Variants in DLGAP2 observed in about 807,000 individuals in gnomAD.
DLGAP2 encodes DLG associated protein 2, also known as disks large-associated protein 2.
In DLGAP2, 26 loss-of-function variants were observed where a neutral mutation model predicts 100.3. The ratio of observed to expected loss-of-function variants is 0.26; its 90% CI spans 0.19 to 0.36. DLGAP2 has a LOEUF of 0.36. Ranked by LOEUF, DLGAP2 falls within the 10% of genes least tolerant of loss-of-function variation. DLGAP2 has a pLI of 1.00. For synonymous variants in DLGAP2, 886 were observed against 630.1 expected, an observed-to-expected ratio of 1.41 and a Z score of -6.08; for missense variants, 1,858 against 1,453.2, an observed-to-expected ratio of 1.28 and a Z score of -4.53.
At chr8:1,302,201 A>ACGGGACTCGGC (rs1800363155) in intron 3 of DLGAP2, 1 of 101,232 alleles carries the variant, frequency 9.9e-6, no homozygotes, top group Admixed American at 1.0e-4. Context: ...CCGGACTCGG[A>ACGGGACTCGGC]ATTTTCTGTG....
In DLGAP2 at chr8:1,480,482, C is replaced by T. The variant is rs75089284; in HGVS notation, c.107-20884C>T. Among the ~76,000 whole-genome samples the T allele has an allele frequency of 1.4e-3, 220 of 152,300 alleles. No individual in the cohort carries two copies. The East Asian group carries it at 0.027, about 19-fold the overall frequency. ...GAAATACAGCATTGAAGCAAACGCA[C>T]GGCTGGCTGAGCCCTGACCTGGCCT... On this transcript the variant is annotated intron_variant, in intron 3 of 14. Transcript: ENST00000637795.
Position 1,528,564 on chromosome 8 carries a change from C to A in DLGAP2, c.173-20062C>A, listed in dbSNP as rs562606949. ...CACCCGGGGGCTGGCCTGCGATACC[C>A]CAGGTGATTCTCATGCTGAGAATAA... On this transcript the variant is annotated intron_variant, in intron 4 of 14. Coordinates refer to ENST00000637795, the MANE Select transcript of DLGAP2 (RefSeq NM_001346810.2). 3.9e-5 allele frequency among the ~76,000 whole-genome samples: 6 copies of A among 152,338 alleles called. No homozygotes were observed. The South Asian group carries it at 6.2e-4, about 16-fold the overall frequency.
At chr8:1,187,875 G>C (rs1208743356) in intron 2 of DLGAP2, among the ~76,000 whole-genome samples, 23 of 98,416 alleles carry the variant, frequency 2.3e-4, no homozygotes, top group African/African-American at 4.3e-4. Flanking sequence ...CGTGACGTTT[G>C]CCTCACGGAA....
At chr8:1,190,231 CAGAG>C (rs149761527) in intron 2 of DLGAP2, among the ~76,000 whole-genome samples, 323 of 152,320 alleles carry the variant, frequency 2.1e-3, no homozygotes, top group African/African-American at 7.2e-3. Flanking sequence ...GGTGGTCTCA[CAGAG>C]AGTCCTCCAA....
intron 3 of DLGAP2, among the ~76,000 whole-genome samples, chr8:1,366,771 G>A (rs556988371): frequency 6.6e-6 from 1 of 152,178 alleles, no homozygotes; most frequent in East Asian, 1.9e-4. Flanking sequence ...CTTCTGTCTC[G>A]GGTCCCCGCA....
intron 3 of DLGAP2, among the ~76,000 whole-genome samples, chr8:1,262,111 A>G (rs932940763): frequency 6.6e-6 from 1 of 152,218 alleles, no homozygotes; most frequent in Non-Finnish European, 1.5e-5. Context: ...CTTTGGATAC[A>G]GATGGAATAA....
chr8:760,823 A>C, intron 1 of DLGAP2, among the ~76,000 whole-genome samples: 1 of 151,674 alleles, frequency 6.6e-6, no homozygotes, highest in Non-Finnish European at 1.5e-5. Flanking sequence ...CACCCCTCCC[A>C]CTTGCTCTCC....
intron 2 of DLGAP2, among the ~76,000 whole-genome samples, chr8:983,660 T>C (rs1261878658): frequency 1.3e-5 from 2 of 152,196 alleles, no homozygotes; most frequent in African/African-American, 4.8e-5. Flanking sequence ...AAGAAGTTTT[T>C]GGGATAGGAC....
intron 2 of DLGAP2, among the ~76,000 whole-genome samples, chr8:1,064,695 C>T (rs920734020): frequency 1.3e-5 from 2 of 152,202 alleles, no homozygotes; most frequent in African/African-American, 4.8e-5. Context: ...AATGTGACCT[C>T]TCCACGTAGT....
intron 14 of DLGAP2, 85 bp from the exon 15 acceptor site, chr8:1,701,103 G>C: frequency 2.3e-6 from 3 of 1,307,502 alleles, no homozygotes; most frequent in East Asian, 2.5e-5. Context: ...GGAAGGGTCA[G>C]GCCAGGCCCC....
At chr8:788,510 T>C (rs979216422) in intron 1 of DLGAP2, among the ~76,000 whole-genome samples, 10 of 152,240 alleles carry the variant, frequency 6.6e-5, no homozygotes, top group African/African-American at 2.4e-4. Flanking sequence ...CCAGGTAGTG[T>C]CCAGGGAGCT....
chr8:920,717 A>G (rs888675708), intron 2 of DLGAP2, among the ~76,000 whole-genome samples: 11 of 152,134 alleles, frequency 7.2e-5, no homozygotes, highest in Non-Finnish European at 1.0e-4. Context: ...TGCTTGGGCA[A>G]TCTGCCCAGC....
chr8:1,267,331 C>A (rs925396323), intron 3 of DLGAP2, among the ~76,000 whole-genome samples: 1 of 151,202 alleles, frequency 6.6e-6, no homozygotes, highest in Non-Finnish European at 1.5e-5. Flanking sequence ...CTTTGGGAGG[C>A]CGAGGCGGTG....
chr8:903,913 G>A (rs1411745331), intron 1 of DLGAP2, among the ~76,000 whole-genome samples: 3 of 152,228 alleles, frequency 2.0e-5, no homozygotes, highest in East Asian at 3.9e-4. Flanking sequence ...CATTCGTCAG[G>A]GACCCTCTGT....
At chr8:1,272,110 C>G (rs1799595747) in intron 3 of DLGAP2, among the ~76,000 whole-genome samples, 1 of 152,146 alleles carries the variant, frequency 6.6e-6, no homozygotes. Context: ...GCAACCATGC[C>G]TAGCCTAGAA....
chr8:951,250 G>C (rs949423290), intron 2 of DLGAP2, among the ~76,000 whole-genome samples: 1 of 152,060 alleles, frequency 6.6e-6, no homozygotes, highest in Non-Finnish European at 1.5e-5. Context: ...CAGTGACTCT[G>C]TGTCTTTTCA....
At chr8:1,409,249 C>A (rs1404085983) in intron 3 of DLGAP2, among the ~76,000 whole-genome samples, 2 of 151,648 alleles carry the variant, frequency 1.3e-5, no homozygotes, top group East Asian at 1.9e-4. Flanking sequence ...CCTTGGCAGC[C>A]CTGGCCCTGA....
chr8:1,108,826 G>A (rs1804862606), intron 2 of DLGAP2, among the ~76,000 whole-genome samples: 1 of 136,354 alleles, frequency 7.3e-6, no homozygotes, highest in Admixed American at 7.1e-5. Context: ...AGGTGTGCAT[G>A]TGCCTATGAA....
intron 6 of DLGAP2, among the ~76,000 whole-genome samples, chr8:1,620,950 G>T (rs751342292): frequency 6.6e-6 from 1 of 152,058 alleles, no homozygotes; most frequent in African/African-American, 2.4e-5. Context: ...TTTACCCTCT[G>T]CTCTCCAGAC....
Sources: allele counts gnomAD v4.1 joint callset (sites outside exome capture counted in the v4.1 genomes callset), GRCh38; gene constraint gnomAD v4.1.1; transcripts MANE v1.5; gene names NCBI Gene and HGNC (gene_info 2026-07-23, HGNC 2026-07-21).